Variants in TACC2 observed in about 807,000 individuals in gnomAD.
TACC2 encodes the protein transforming acidic coiled-coil containing protein 2.
Under a neutral mutation model 227.3 loss-of-function variants are expected in TACC2, and 137 were observed. The observed-to-expected ratio is 0.60, with a 90% CI of 0.52 to 0.69. The LOEUF (loss-of-function observed/expected upper bound fraction) is 0.69. TACC2 is among the 30% of genes least tolerant of loss of function. The pLI is 0.00. For missense variants in TACC2, 3,470 were observed against 3,694.4 expected, an observed-to-expected ratio of 0.94 and a Z score of 1.57; for synonymous variants, 1,523 against 1,487.5, an observed-to-expected ratio of 1.02 and a Z score of -0.55.
At chr10:122,101,218 T>A (rs12780819) in intron 5 of TACC2, among the ~76,000 whole-genome samples, 36,651 of 152,048 alleles carry the variant, frequency 0.24, 4,709 homozygotes, top group East Asian at 0.48. Flanking sequence ...TTTCCTCACC[T>A]GCAAAATGAG....
At chr10:122,247,856 A>G (rs983389488) in intron 19 of TACC2, 6 of 152,204 alleles carry the variant, frequency 3.9e-5, no homozygotes, top group Admixed American at 2.0e-4. Context: ...GTCACACAGT[A>G]TGGCCATGTA....
chr10:122,161,081 G>A (rs1294763097), intron 7 of TACC2, among the ~76,000 whole-genome samples: 1 of 152,056 alleles, frequency 6.6e-6, no homozygotes, highest in Non-Finnish European at 1.5e-5. Flanking sequence ...CCACAGTTAT[G>A]CACCACCACA....
chr10:122,040,104 C>T (rs552494310), intron 2 of TACC2, among the ~76,000 whole-genome samples: 4 of 152,256 alleles, frequency 2.6e-5, no homozygotes, highest in Admixed American at 2.0e-4. Flanking sequence ...TAAGCAGCCT[C>T]GGTTACTAAA....
At chr10:122,061,771 A>G (rs1018839482) in intron 3 of TACC2, among the ~76,000 whole-genome samples, 6 of 152,190 alleles carry the variant, frequency 3.9e-5, no homozygotes, top group African/African-American at 1.4e-4. Flanking sequence ...GAATAATTCT[A>G]GAACAAGCTA....
At chr10:122,010,353 A>G (rs1473587576) in intron 1 of TACC2, among the ~76,000 whole-genome samples, 2 of 120,786 alleles carry the variant, frequency 1.7e-5, no homozygotes, top group South Asian at 3.3e-4. Flanking sequence ...TGTTTTAATA[A>G]GAATATGGTT....
At chr10:122,152,542 T>TATTCC (rs570111630) in intron 7 of TACC2, among the ~76,000 whole-genome samples, 77 of 152,334 alleles carry the variant, frequency 5.1e-4, no homozygotes, top group African/African-American at 1.8e-3. Context: ...AGTGATACTC[T>TATTCC]ATTCCATTCC....
At chr10:122,102,364 G>C (rs1003957943) in intron 5 of TACC2, among the ~76,000 whole-genome samples, 24 of 152,208 alleles carry the variant, frequency 1.6e-4, no homozygotes, top group Non-Finnish European at 2.6e-4. Flanking sequence ...TCGGCTCTCA[G>C]ATGCTTCTTT....
At chr10:122,040,271 A>T (rs1273545192) in intron 2 of TACC2, among the ~76,000 whole-genome samples, 1 of 152,018 alleles carries the variant, frequency 6.6e-6, no homozygotes, top group Non-Finnish European at 1.5e-5. Flanking sequence ...GGGGGGCATC[A>T]CCTGTTCCCG....
In TACC2 at chr10:122,150,849, C is replaced by A. The variant is rs2091964662; in HGVS notation, c.5834+7143C>A. Among the ~76,000 whole-genome samples, 3 of 152,194 alleles carry A rather than the reference C, an allele frequency of 2.0e-5. No homozygotes were observed. The South Asian group carries it at 6.2e-4, about 32-fold the overall frequency. ...TGTTTGCATTTTTTGATCCTGCCAG[C>A]CAGCCTCTCGGCAGATACATCCCGG... On this transcript the variant is annotated intron_variant, in intron 7 of 22. Transcript: ENST00000369005. This position sits in a 1 kb window ranked among gnomAD's most constrained non-coding sequence, Gnocchi z 4.0.
chr10:122,059,798 G>A (rs1481008464), intron 3 of TACC2, among the ~76,000 whole-genome samples: 2 of 151,676 alleles, frequency 1.3e-5, no homozygotes, highest in African/African-American at 2.4e-5. Flanking sequence ...AACAGGGAAA[G>A]TGGCTACTTT....
chr10:122,143,833 G>A (rs1409453957), intron 7 of TACC2, 127 bp downstream of exon 7: 6 of 1,071,438 alleles, frequency 5.6e-6, no homozygotes, highest in Non-Finnish European at 5.3e-6. Context: ...TTGGCCCCGT[G>A]AGACCATGTC....
chr10:122,031,624 C>T (rs1330782772), intron 2 of TACC2, among the ~76,000 whole-genome samples: 4 of 151,930 alleles, frequency 2.6e-5, no homozygotes, highest in Non-Finnish European at 5.9e-5. Context: ...AGGTTGGTCT[C>T]GATCTCCTGA....
At chr10:122,073,227 G>A (rs933181124) in intron 3 of TACC2, among the ~76,000 whole-genome samples, 1 of 149,976 alleles carries the variant, frequency 6.7e-6, no homozygotes, top group Non-Finnish European at 1.5e-5. Context: ...GCCATGGCAG[G>A]TACTGAGAGA....
chr10:122,146,676 A>G (rs1037026205), intron 7 of TACC2, among the ~76,000 whole-genome samples: 1 of 152,180 alleles, frequency 6.6e-6, no homozygotes, highest in African/African-American at 2.4e-5. Flanking sequence ...CTCAGACTCC[A>G]TAACTGTAAG....
At chr10:122,119,422 C>T (rs2085306350) in intron 5 of TACC2, among the ~76,000 whole-genome samples, 1 of 152,180 alleles carries the variant, frequency 6.6e-6, no homozygotes, top group African/African-American at 2.4e-5. Context: ...GATTTCTGTG[C>T]CCAGTGTTCT....
At chr10:122,155,055 C>T (rs745712177) in intron 7 of TACC2, among the ~76,000 whole-genome samples, 11 of 152,204 alleles carry the variant, frequency 7.2e-5, no homozygotes, top group Admixed American at 7.2e-4. Flanking sequence ...GCACATTCAC[C>T]CCAGGGCAGT....
Position 122,195,037 on chromosome 10 carries a change from C to A in TACC2, c.5835-3C>A. The A allele has an allele frequency of 6.2e-7, 1 of 1,609,692 alleles. No homozygotes were observed. Among genetic ancestry groups the A allele is most frequent in the Non-Finnish European group, 8.5e-7 (1 of 1,177,432 alleles). ...TAACCTGTGCTTCTCCCTCTCTCAT[C>A]AGGAGTTCCGATTCTGAAGAGGCAT... On this transcript the variant is annotated splice_polypyrimidine_tract_variant and splice_region_variant and intron_variant, in intron 7 of 22. Coordinates refer to ENST00000369005, the MANE Select transcript of TACC2 (RefSeq NM_206862.4).
chr10:122,161,125 A>G (rs2092792571), intron 7 of TACC2, among the ~76,000 whole-genome samples: 1 of 152,054 alleles, frequency 6.6e-6, no homozygotes, highest in Admixed American at 6.6e-5. Flanking sequence ...TTGTAGAGAC[A>G]AGGTCTCACT....
At chr10:121,992,516 A>G (rs1453560045) in intron 1 of TACC2, among the ~76,000 whole-genome samples, 4 of 152,190 alleles carry the variant, frequency 2.6e-5, no homozygotes, top group African/African-American at 9.6e-5. Flanking sequence ...GGGATTTTCC[A>G]TTTTTGGAGG....
Sources: allele counts gnomAD v4.1 joint callset (sites outside exome capture counted in the v4.1 genomes callset), GRCh38; gene constraint gnomAD v4.1.1; non-coding constraint Gnocchi (gnomAD v3.1); transcripts MANE v1.5; gene names NCBI Gene and HGNC (gene_info 2026-07-23, HGNC 2026-07-21).